Variants in MTERF4 observed in about 807,000 individuals in gnomAD.
MTERF4 encodes mitochondrial transcription termination factor 4.
Under a neutral mutation model 22.5 loss-of-function variants are expected in MTERF4, and 17 were observed. That is an observed-to-expected ratio of 0.75 (90% CI 0.52 to 1.13). The LOEUF is 1.13. Ranked by LOEUF, MTERF4 falls within the 50% of genes most tolerant of loss-of-function variation. The pLI is 0.00. For synonymous variants in MTERF4, 165 were observed against 175.3 expected (o/e 0.94, Z 0.47); for missense variants, 420 against 466.8 (o/e 0.90, Z 0.92).
chr2:241,072,395 CTG>C (rs1044215726), exon 5 of MTERF4: 1 of 363,406 alleles, frequency 2.8e-6, no homozygotes, highest in Non-Finnish European at 5.4e-6. Flanking sequence ...GGGAATCTGC[CTG>C]TGATTCTGAC....
the MTERF4 span, chr2:241,062,661 GTC>G: frequency 1.4e-6 from 1 of 717,282 alleles, no homozygotes; most frequent in Admixed American, 2.0e-5. Context: ...TCCAGCCCTG[GTC>G]TCTGGCCTTT....
chr2:241,071,761 CT>C, downstream of MTERF4: 2 of 1,556,602 alleles, frequency 1.3e-6, no homozygotes, highest in Non-Finnish European at 8.7e-7. Context: ...CGAGGCGGCG[CT>C]CGGACTGTGG....
At chr2:241,062,265 G>A in the MTERF4 span, among the ~76,000 whole-genome samples, 1 of 152,054 alleles carries the variant, frequency 6.6e-6, no homozygotes, top group Non-Finnish European at 1.5e-5. Flanking sequence ...TGGCTGCCGG[G>A]GTGGCTGCTA....
chr2:241,048,321 A>T, the MTERF4 span: 3 of 1,603,606 alleles, frequency 1.9e-6, no homozygotes, highest in East Asian at 4.5e-5. Context: ...GCAGGAGACC[A>T]TCCAGTGCCA....
downstream of MTERF4, chr2:241,069,820 C>T: frequency 7.2e-7 from 1 of 1,394,890 alleles, no homozygotes; most frequent in Non-Finnish European, 9.8e-7. This position sits in a 1 kb window ranked among gnomAD's most constrained non-coding sequence, Gnocchi z 4.9. Context: ...ATCTGGCTTC[C>T]AGCAAGGCTG....
At chr2:241,066,591 G>GCA in the MTERF4 span, among the ~76,000 whole-genome samples, 1 of 151,628 alleles carries the variant, frequency 6.6e-6, no homozygotes, top group African/African-American at 2.4e-5. Flanking sequence ...AAGAGGAAAA[G>GCA]GTGCTGAGAG....
At chr2:241,048,272 A>G in the MTERF4 span, 1 of 1,551,798 alleles carries the variant, frequency 6.4e-7, no homozygotes, top group Non-Finnish European at 8.7e-7. Context: ...CACTCTCCCC[A>G]CATTCCCTGC....
At chr2:241,064,836 C>A in the MTERF4 span, 1 of 1,574,234 alleles carries the variant, frequency 6.4e-7, no homozygotes, top group Non-Finnish European at 8.6e-7. The surrounding 1 kb of genome is among the most constrained non-coding windows in gnomAD (Gnocchi z 7.0). Flanking sequence ...CACTTTTTCT[C>A]CCCTCAGTGA....
the MTERF4 span, among the ~76,000 whole-genome samples, chr2:241,047,070 G>C: frequency 6.6e-6 from 1 of 150,614 alleles, no homozygotes; most frequent in Non-Finnish European, 1.5e-5. Context: ...TTGAACCCCA[G>C]GGAGTTGGAG....
Position 241,096,756 on chromosome 2 carries a change from C to A in MTERF4, c.706-318G>T. 1 of 548,002 alleles carries A rather than the reference C, an allele frequency of 1.8e-6. No individual in the cohort carries two copies. The highest frequency in any genetic ancestry group is 1.9e-5 in the African/African-American group (1 of 52,356). 33.9% of individuals were successfully genotyped at this position (548,002 alleles called of 1,614,324 possible). ...AAAGGATGAATATGGAAAGAATAGG[C>A]AAAACATTCAGAAAACATCTAGAAA... is the stretch of plus-strand genomic sequence containing the variant. On this transcript the variant is annotated intron_variant, in intron 3 of 3. Transcript: ENST00000391980. The surrounding 1 kb of genome is among the most constrained non-coding windows in gnomAD (Gnocchi z 5.1).
rs1311425457 is a variant in MTERF4, at chr2:241,073,778, G to A, written n.2384C>T. On this transcript the variant is annotated non_coding_transcript_exon_variant, in exon 5 of 5. Transcript: ENST00000464344. The surrounding 1 kb of genome is among the most constrained non-coding windows in gnomAD (Gnocchi z 6.6). ...AGCAGAGGGAGCAGCCACTGGGCGA[G>A]CCCCAGCTTGAGGACTAGCTGGGCC... is the stretch of plus-strand genomic sequence containing the variant. 3.3e-5 allele frequency: 11 copies of A among 328,658 alleles called. No homozygotes were observed. Among genetic ancestry groups the A allele is most frequent in the Non-Finnish European group, 1.1e-5 (2 of 178,930 alleles). The allele number at this position is 328,658 out of a possible 1,614,324, so 20.4% of individuals were successfully genotyped here. A position where few individuals can be genotyped will look rare whatever the true frequency, so the allele number is the denominator to read the frequency against.
downstream of MTERF4, chr2:241,095,039 T>C (rs1254870183): frequency 2.8e-5 from 4 of 145,136 alleles, no homozygotes; most frequent in Admixed American, 7.0e-5. Context: ...TTCGGACTCA[T>C]TGAGTTCCCT....
the MTERF4 span, among the ~76,000 whole-genome samples, chr2:241,045,428 G>T: frequency 1.3e-5 from 2 of 152,206 alleles, no homozygotes; most frequent in Admixed American, 1.3e-4. Context: ...GATCAATTCA[G>T]TGTGATATTG....
At chr2:241,087,463 A>C (rs1349267752), downstream of MTERF4, 1 of 1,602,752 alleles carries the variant, frequency 6.2e-7, no homozygotes, top group Admixed American at 1.7e-5. Context: ...AGCCTCAAGA[A>C]GACCCCAAAC....
At chr2:241,102,095 G>A (rs2064738972) in intron 1 of MTERF4, 158 bp downstream of exon 1, 2 of 916,308 alleles carry the variant, frequency 2.2e-6, no homozygotes, top group South Asian at 1.5e-5. Flanking sequence ...TAATTGAGCA[G>A]AGCCACGGGT....
rs2125255724 is a variant in MTERF4, at chr2:241,073,649, T to C, written n.2513A>G. On this transcript the variant is annotated non_coding_transcript_exon_variant, in exon 5 of 5. Transcript: ENST00000464344. This position sits in a 1 kb window ranked among gnomAD's most constrained non-coding sequence, Gnocchi z 6.6. ...CTTTGATGCTGCCTCCCCTCCCCTC[T>C]CCTCCTTCGCCTCCACATGCAGCAG... The C allele has an allele frequency of 2.0e-6, 1 of 501,736 alleles. No individual in the cohort carries two copies. The highest frequency in any genetic ancestry group is 3.5e-6 in the Non-Finnish European group (1 of 282,904). 31.1% of individuals were successfully genotyped at this position (501,736 alleles called of 1,614,324 possible). A position where few individuals can be genotyped will look rare whatever the true frequency, so the allele number is the denominator to read the frequency against.
downstream of MTERF4, chr2:241,071,503 C>A: frequency 2.0e-6 from 3 of 1,503,738 alleles, no homozygotes; most frequent in Non-Finnish European, 2.7e-6. Flanking sequence ...AGGGGCACCA[C>A]CCATGCCACA....
downstream of MTERF4, among the ~76,000 whole-genome samples, chr2:241,070,824 A>G (rs2062673371): frequency 6.6e-6 from 1 of 152,222 alleles, no homozygotes; most frequent in African/African-American, 2.4e-5. Context: ...GGGAGAGAAG[A>G]AAGAGACGGA....
chr2:241,082,916 G>C (rs2063398641), downstream of MTERF4, among the ~76,000 whole-genome samples: 3 of 151,816 alleles, frequency 2.0e-5, no homozygotes, highest in African/African-American at 2.4e-5. Flanking sequence ...CCTGCTGTGT[G>C]CCGGGCACTG....
Sources: allele counts gnomAD v4.1 joint callset (sites outside exome capture counted in the v4.1 genomes callset), GRCh38; gene constraint gnomAD v4.1.1; non-coding constraint Gnocchi (gnomAD v3.1); transcripts MANE v1.5; gene names NCBI Gene and HGNC (gene_info 2026-07-23, HGNC 2026-07-21).